NTNG1: variants seen among roughly 807,000 people sequenced by gnomAD.
NTNG1 encodes netrin G1.
NTNG1 carries 16 observed loss-of-function variants against 54.0 expected under a neutral mutation model. The ratio of observed to expected loss-of-function variants is 0.30; its 90% CI spans 0.20 to 0.45. NTNG1 has a LOEUF of 0.45. Ranked by LOEUF, NTNG1 falls within the 20% of genes least tolerant of loss-of-function variation. NTNG1 has a pLI of 1.00. For missense variants in NTNG1, 530 were observed against 678.7 expected (o/e 0.78, Z 2.43); for synonymous variants, 255 against 263.1 (o/e 0.97, Z 0.30).
intron 5 of NTNG1, chr1:107,407,986 A>G (rs1673558914): frequency 1.6e-6 from 1 of 637,830 alleles, no homozygotes; most frequent in East Asian, 3.2e-5. Flanking sequence ...AATTCCTTAG[A>G]TAATCATCAT....
chr1:107,281,820 T>C (rs1023503075), intron 2 of NTNG1, among the ~76,000 whole-genome samples: 3 of 152,154 alleles, frequency 2.0e-5, no homozygotes, highest in Non-Finnish European at 4.4e-5. Context: ...AAGCATACTT[T>C]GCAGTTAACA....
At chr1:107,443,562 G>A (rs1184168772) in intron 7 of NTNG1, among the ~76,000 whole-genome samples, 5 of 151,980 alleles carry the variant, frequency 3.3e-5, no homozygotes, top group Admixed American at 3.3e-4. Context: ...GTTTCTAGTT[G>A]CTGTCTCTTC....
intron 7 of NTNG1, among the ~76,000 whole-genome samples, chr1:107,468,107 T>C (rs538206148): frequency 3.9e-5 from 6 of 152,238 alleles, no homozygotes; most frequent in African/African-American, 1.4e-4. Flanking sequence ...ATTACAGCGA[T>C]TCCCTGGAAA....
chr1:107,182,417 T>C (rs930638261), intron 2 of NTNG1, among the ~76,000 whole-genome samples: 2 of 152,162 alleles, frequency 1.3e-5, no homozygotes, highest in African/African-American at 4.8e-5. Context: ...AATTGCTTTG[T>C]CAATTAAGAT....
intron 2 of NTNG1, among the ~76,000 whole-genome samples, chr1:107,196,618 TGAG>T (rs769314035): frequency 5.3e-5 from 8 of 151,882 alleles, no homozygotes; most frequent in Non-Finnish European, 1.0e-4. Flanking sequence ...CAACTTCCTG[TGAG>T]GAGTACAGTA....
intron 3 of NTNG1, among the ~76,000 whole-genome samples, chr1:107,358,742 T>C (rs1670088624): frequency 6.6e-6 from 1 of 151,884 alleles, no homozygotes; most frequent in South Asian, 2.1e-4. Flanking sequence ...AACTGCAATT[T>C]GAGCATATTT....
intron 2 of NTNG1, among the ~76,000 whole-genome samples, chr1:107,283,969 C>T (rs1008576054): frequency 6.6e-6 from 1 of 152,158 alleles, no homozygotes; most frequent in Non-Finnish European, 1.5e-5. Flanking sequence ...CAGCTCAGTT[C>T]AAATGCTGTC....
At chr1:107,171,930 A>T (rs867327937) in intron 2 of NTNG1, among the ~76,000 whole-genome samples, 1 of 150,458 alleles carries the variant, frequency 6.6e-6, no homozygotes, top group Admixed American at 6.6e-5. Flanking sequence ...TTTATTTTTT[A>T]TTTTTATTTT....
chr1:107,186,603 G>A (rs546715556), intron 2 of NTNG1, among the ~76,000 whole-genome samples: 2 of 152,206 alleles, frequency 1.3e-5, no homozygotes, highest in South Asian at 4.1e-4. Flanking sequence ...AGGCATTAAA[G>A]TAAAGTACTA....
rs116489771 is a variant in NTNG1 at position 107,156,754 on chromosome 1, C to A, written c.246+7915C>A. ...ACAGAACTGCCATTGAATGTATACTCCGTGTCAGTCATGGGGAAAGAGGTG... is the reference window on the plus strand; with the variant it reads ...ACAGAACTGCCATTGAATGTATACTACGTGTCAGTCATGGGGAAAGAGGTG... On this transcript the variant is annotated intron_variant, in intron 2 of 7. Coordinates refer to ENST00000370068, the MANE Select transcript of NTNG1 (RefSeq NM_001113226.3). Among the ~76,000 whole-genome samples, 332 of 152,236 alleles carry A rather than the reference C, an allele frequency of 2.2e-3. 1 individual carries two copies. The highest frequency in any genetic ancestry group is 7.7e-3 in the African/African-American group (319 of 41,546).
chr1:107,302,910 A>G (rs1666413801), intron 2 of NTNG1, among the ~76,000 whole-genome samples: 2 of 152,206 alleles, frequency 1.3e-5, no homozygotes, highest in South Asian at 4.1e-4. Context: ...ATGCTAATAA[A>G]TTATGGCACT....
At chr1:107,342,189 C>T (rs1232424995) in intron 3 of NTNG1, among the ~76,000 whole-genome samples, 9 of 151,918 alleles carry the variant, frequency 5.9e-5, no homozygotes, top group Non-Finnish European at 8.8e-5. Context: ...TTAGGAATAA[C>T]TTATAATCAC....
At chr1:107,283,864 A>C (rs1665024308) in intron 2 of NTNG1, among the ~76,000 whole-genome samples, 1 of 152,170 alleles carries the variant, frequency 6.6e-6, no homozygotes, top group Non-Finnish European at 1.5e-5. Flanking sequence ...TCTTTCAGTT[A>C]TTCATTTGCA....
intron 2 of NTNG1, among the ~76,000 whole-genome samples, chr1:107,240,078 GTTT>G (rs1242393458): frequency 1.3e-5 from 2 of 152,126 alleles, no homozygotes; most frequent in Non-Finnish European, 2.9e-5. Context: ...ACACAGTAAT[GTTT>G]TGATGTATGT....
intron 3 of NTNG1, among the ~76,000 whole-genome samples, chr1:107,342,815 C>T (rs183309427): frequency 1.5e-4 from 23 of 152,162 alleles, no homozygotes; most frequent in Admixed American, 5.2e-4. Context: ...CAGAGACCTA[C>T]AGTGTTCTAA....
chr1:107,386,753 A>G (rs1049160985), intron 3 of NTNG1, among the ~76,000 whole-genome samples: 2 of 152,184 alleles, frequency 1.3e-5, no homozygotes, highest in Non-Finnish European at 2.9e-5. Context: ...AAATACCTAG[A>G]TGTAAAATTT....
chr1:107,316,731 G>T (rs890611515), intron 2 of NTNG1, among the ~76,000 whole-genome samples: 1 of 152,290 alleles, frequency 6.6e-6, no homozygotes, highest in South Asian at 2.1e-4. Flanking sequence ...CTCTTTAGGC[G>T]CATGAGCAAC....
At chr1:107,147,156 G>A (rs1367914540) in intron 1 of NTNG1, among the ~76,000 whole-genome samples, 1 of 151,990 alleles carries the variant, frequency 6.6e-6, no homozygotes, top group Non-Finnish European at 1.5e-5. Context: ...TAGTTATGTA[G>A]GATGCATTAT....
At chr1:107,436,557 C>T (rs369996003) in intron 6 of NTNG1, 108 bp from the exon 7 acceptor site, 4 of 846,390 alleles carry the variant, frequency 4.7e-6, no homozygotes, top group South Asian at 3.3e-5. Context: ...CATTAATGGA[C>T]ATCTTTCTTT....
Sources: gnomAD v4.1 joint callset for allele counts (sites outside exome capture counted in the v4.1 genomes callset) on GRCh38, gnomAD v4.1.1 for gene constraint, MANE v1.5 for transcripts, NCBI Gene and HGNC (gene_info 2026-07-23, HGNC 2026-07-21) for gene names.